The following SLC24A2 variants were observed in gnomAD, a reference collection of about 807,000 sequenced individuals.
The protein encoded by SLC24A2 is solute carrier family 24 member 2, also known as sodium/potassium/calcium exchanger 2.
SLC24A2 carries 36 observed loss-of-function variants against 62.0 expected under a neutral mutation model. The ratio of observed to expected loss-of-function variants is 0.58; its 90% confidence interval spans 0.44 to 0.77. The LOEUF is 0.77. SLC24A2 is among the 30% of genes least tolerant of loss of function. The pLI is 0.00. For missense variants in SLC24A2, 846 were observed against 817.9 expected (o/e 1.03, Z -0.42); for synonymous variants, 358 against 294.0 (o/e 1.22, Z -2.23).
At chr9:19,992,544 C>T in the SLC24A2 span, among the ~76,000 whole-genome samples, 1 of 152,180 alleles carries the variant, frequency 6.6e-6, no homozygotes, top group South Asian at 2.1e-4. Context: ...ATAAACTGTT[C>T]ATTAACTGAT....
the SLC24A2 span, among the ~76,000 whole-genome samples, chr9:20,268,149 C>G: frequency 6.6e-6 from 1 of 152,166 alleles, no homozygotes; most frequent in African/African-American, 2.4e-5. Flanking sequence ...ATGTGGGAAG[C>G]ATGGCTTAGG....
the SLC24A2 span, among the ~76,000 whole-genome samples, chr9:19,876,066 T>G: frequency 6.6e-6 from 1 of 152,184 alleles, no homozygotes; most frequent in Non-Finnish European, 1.5e-5. Context: ...AGTCTTCCTT[T>G]AGTATTGTTA....
chr9:19,936,098 A>T, the SLC24A2 span, among the ~76,000 whole-genome samples: 19 of 152,152 alleles, frequency 1.2e-4, no homozygotes, highest in Admixed American at 1.2e-3. Context: ...TTTAACCATA[A>T]ACGAGGCTGC....
chr9:19,836,810 A>G, the SLC24A2 span, among the ~76,000 whole-genome samples: 2 of 152,342 alleles, frequency 1.3e-5, no homozygotes, highest in South Asian at 2.1e-4. Flanking sequence ...CTTGATGAAC[A>G]TTGATGCAAA....
chr9:20,091,527 A>G, the SLC24A2 span, among the ~76,000 whole-genome samples: 1 of 152,130 alleles, frequency 6.6e-6, no homozygotes, highest in Non-Finnish European at 1.5e-5. Flanking sequence ...ACAAGCCAGA[A>G]GAGACTGGGG....
the SLC24A2 span, among the ~76,000 whole-genome samples, chr9:19,923,671 T>A: frequency 7.2e-5 from 11 of 152,242 alleles, no homozygotes; most frequent in Admixed American, 2.0e-4. Context: ...ATAGTTGTTG[T>A]CACCTTTGGA....
At chr9:20,056,839 T>C in the SLC24A2 span, among the ~76,000 whole-genome samples, 265 of 152,328 alleles carry the variant, frequency 1.7e-3, no homozygotes, top group African/African-American at 5.6e-3. Context: ...CTCCATCCTC[T>C]TGAATGACAC....
At chr9:20,131,985 C>T in the SLC24A2 span, among the ~76,000 whole-genome samples, 10 of 152,096 alleles carry the variant, frequency 6.6e-5, no homozygotes, top group Non-Finnish European at 1.0e-4. Context: ...TGCTACATAA[C>T]TGAACACATT....
At chr9:20,122,751 T>A in the SLC24A2 span, among the ~76,000 whole-genome samples, 1 of 152,162 alleles carries the variant, frequency 6.6e-6, no homozygotes, top group East Asian at 1.9e-4. Flanking sequence ...ATCCCCTCTT[T>A]TGATGCCTAG....
chr9:19,748,996 G>A (rs1272821694), intron 2 of SLC24A2, among the ~76,000 whole-genome samples: 2 of 151,126 alleles, frequency 1.3e-5, no homozygotes, highest in Non-Finnish European at 2.9e-5. Context: ...TACAGGATAA[G>A]ACACATTTGA....
At chr9:19,892,805 A>G in the SLC24A2 span, among the ~76,000 whole-genome samples, 2 of 152,208 alleles carry the variant, frequency 1.3e-5, no homozygotes, top group African/African-American at 4.8e-5. Flanking sequence ...AAGGTCACAC[A>G]GATGGTAAGT....
At chr9:19,899,458 G>C in the SLC24A2 span, among the ~76,000 whole-genome samples, 1 of 152,130 alleles carries the variant, frequency 6.6e-6, no homozygotes, top group Non-Finnish European at 1.5e-5. Context: ...CCAAAGTCTT[G>C]CTATGTTATA....
intron 2 of SLC24A2, among the ~76,000 whole-genome samples, chr9:19,710,473 C>T (rs1489494566): frequency 1.3e-5 from 2 of 152,080 alleles, no homozygotes; most frequent in African/African-American, 4.8e-5. Flanking sequence ...TATAATGGAC[C>T]AGTAGGTCTC....
chr9:20,230,352 A>G, the SLC24A2 span, among the ~76,000 whole-genome samples: 1 of 152,192 alleles, frequency 6.6e-6, no homozygotes, highest in African/African-American at 2.4e-5. Flanking sequence ...TCCCACCAAC[A>G]GTGTAAAAGT....
the SLC24A2 span, among the ~76,000 whole-genome samples, chr9:19,977,764 G>T: frequency 6.6e-6 from 1 of 152,088 alleles, no homozygotes; most frequent in African/African-American, 2.4e-5. Context: ...TGCATTTGAA[G>T]GTATTTAGAA....
the SLC24A2 span, among the ~76,000 whole-genome samples, chr9:19,898,993 C>T: frequency 6.6e-6 from 1 of 152,186 alleles, no homozygotes; most frequent in Non-Finnish European, 1.5e-5. Context: ...CCTGCTGCAG[C>T]TACCACTAGG....
At chr9:19,969,927 T>G in the SLC24A2 span, among the ~76,000 whole-genome samples, 1 of 152,034 alleles carries the variant, frequency 6.6e-6, no homozygotes. Flanking sequence ...TGTGCAAGAG[T>G]GTGAGTCAGT....
the SLC24A2 span, among the ~76,000 whole-genome samples, chr9:20,245,457 G>T: frequency 2.0e-5 from 3 of 152,206 alleles, no homozygotes; most frequent in Non-Finnish European, 4.4e-5. Context: ...TCCAGTATGG[G>T]TAGAGCATGG....
the SLC24A2 span, among the ~76,000 whole-genome samples, chr9:20,081,046 C>T: frequency 9.9e-5 from 15 of 152,124 alleles, no homozygotes; most frequent in Non-Finnish European, 1.6e-4. Flanking sequence ...TAAACTAGTT[C>T]AACCATTGTG....
Sources: gnomAD v4.1 joint callset for allele counts (sites outside exome capture counted in the v4.1 genomes callset) on GRCh38, gnomAD v4.1.1 for gene constraint, MANE v1.5 for transcripts, NCBI Gene and HGNC (gene_info 2026-07-23, HGNC 2026-07-21) for gene names.